The following KLHL1 variants were observed in gnomAD, a reference collection of about 807,000 sequenced individuals.
KLHL1 encodes the protein kelch like family member 1.
KLHL1 carries 47 observed loss-of-function variants against 77.7 expected under a neutral mutation model. The ratio of observed to expected loss-of-function variants is 0.60; its 90% CI spans 0.48 to 0.77. KLHL1 has a LOEUF of 0.77. Among genes scored for constraint, KLHL1 ranks in the 30% least tolerant of loss-of-function variants. The pLI is 0.00. For synonymous variants in KLHL1, 360 were observed against 325.2 expected (o/e 1.11, Z -1.15); for missense variants, 925 against 910.8 (o/e 1.02, Z -0.20).
At chr13:69,953,685 T>TA (rs1883782524) in intron 3 of KLHL1, among the ~76,000 whole-genome samples, 1 of 151,092 alleles carries the variant, frequency 6.6e-6, no homozygotes, top group Admixed American at 6.6e-5. Flanking sequence ...GCTAGTTGTT[T>TA]AAAAAATTCA....
intron 1 of KLHL1, among the ~76,000 whole-genome samples, chr13:70,029,932 A>G (rs1370143216): frequency 2.0e-5 from 3 of 152,206 alleles, no homozygotes; most frequent in Non-Finnish European, 4.4e-5. Context: ...AAAACAAAAA[A>G]AGGCAGGGGT....
At chr13:69,888,874 A>G (rs1881318968) in intron 4 of KLHL1, among the ~76,000 whole-genome samples, 2 of 151,992 alleles carry the variant, frequency 1.3e-5, no homozygotes, top group Non-Finnish European at 2.9e-5. Context: ...CATCACAACT[A>G]TTTCCCATCT....
intron 5 of KLHL1, among the ~76,000 whole-genome samples, chr13:69,855,653 C>T (rs1336086481): frequency 1.3e-5 from 2 of 151,516 alleles, no homozygotes; most frequent in African/African-American, 4.8e-5. Flanking sequence ...TTCCTGCCGC[C>T]TCGTAAAGAA....
At chr13:69,970,736 G>A (rs1001635216) in intron 2 of KLHL1, among the ~76,000 whole-genome samples, 1 of 152,062 alleles carries the variant, frequency 6.6e-6, no homozygotes, top group Non-Finnish European at 1.5e-5. Flanking sequence ...CAGAGCTTCC[G>A]GAGAGATAAA....
At chr13:69,754,902 T>C (rs1006391768) in intron 7 of KLHL1, among the ~76,000 whole-genome samples, 28 of 152,188 alleles carry the variant, frequency 1.8e-4, no homozygotes, top group African/African-American at 6.5e-4. Flanking sequence ...CTTTCAGATC[T>C]GACTCAAATG....
chr13:69,707,680 T>C lies in KLHL1; in HGVS notation c.2132A>G (p.Gln711Arg), dbSNP rs915073495. ...RLYAVGGYDG[Q>R]TYLNTMESYD... is the part of the protein sequence containing the mutation. ...GGATTCCATAGTGTTGAGGTATGTCTGTCCATCATAGCCACCAACAGCATA... is the reference window on the plus strand; with the variant it reads ...GGATTCCATAGTGTTGAGGTATGTCCGTCCATCATAGCCACCAACAGCATA... Residue 711 changes from glutamine (Q) to arginine (R), a missense_variant, in exon 10 of 11, where the codon CAG becomes CGG. Physicochemically the swap from Gln to Arg is conservative, Grantham distance 43. Transcript: ENST00000377844. The C allele has an allele frequency of 6.2e-7, 1 of 1,612,780 alleles. No homozygotes were observed. The highest frequency in any genetic ancestry group is 8.5e-7 in the Non-Finnish European group (1 of 1,179,172).
intron 1 of KLHL1, among the ~76,000 whole-genome samples, chr13:70,003,988 G>C (rs1479279238): frequency 1.3e-5 from 2 of 151,732 alleles, no homozygotes; most frequent in African/African-American, 4.8e-5. Context: ...ATGTATATTT[G>C]TATGAACTCA....
intron 4 of KLHL1, among the ~76,000 whole-genome samples, chr13:69,915,809 C>T (rs1308327971): frequency 6.6e-6 from 1 of 151,860 alleles, no homozygotes; most frequent in African/African-American, 2.4e-5. Flanking sequence ...AAAAGGCAAC[C>T]TACAAAATGG....
intron 2 of KLHL1, 89 bp downstream of exon 2, chr13:69,975,531 G>A: frequency 9.4e-7 from 1 of 1,062,318 alleles, no homozygotes; most frequent in Non-Finnish European, 1.4e-6. Flanking sequence ...CCTTATTTCT[G>A]TAGTCATATA....
intron 4 of KLHL1, among the ~76,000 whole-genome samples, chr13:69,908,292 A>G (rs1210911421): frequency 6.6e-6 from 1 of 151,708 alleles, no homozygotes; most frequent in Non-Finnish European, 1.5e-5. Context: ...AAACAGAAAT[A>G]ATTTCAAAGG....
At chr13:69,842,835 C>T (rs1482452916) in intron 5 of KLHL1, among the ~76,000 whole-genome samples, 1 of 151,660 alleles carries the variant, frequency 6.6e-6, no homozygotes, top group Non-Finnish European at 1.5e-5. Flanking sequence ...TATATATACA[C>T]AATAGAATGC....
chr13:70,107,422 T>C lies in KLHL1; in HGVS notation c.278A>G (p.Asn93Ser). Residue 93 changes from asparagine (N) to serine (S), a missense_variant, in exon 1 of 11, where the codon AAT becomes AGT. By Grantham distance (46) the Asn-to-Ser change is conservative (BLOSUM62 1). Transcript: ENST00000377844. ...SSSSSSFNPL[N>S]GTLLPVATRL... ...CGTGGCAACTGGAAGCAGGGTGCCA[T>C]TCAGCGGATTGAAGGAAGAGGAGGA... 1 of 1,611,906 alleles carries C rather than the reference T, an allele frequency of 6.2e-7. No homozygotes were observed. Among genetic ancestry groups the C allele is most frequent in the Non-Finnish European group, 8.5e-7 (1 of 1,179,956 alleles).
chr13:70,061,183 C>A (rs1232903347), intron 1 of KLHL1, among the ~76,000 whole-genome samples: 1 of 152,074 alleles, frequency 6.6e-6, no homozygotes, highest in Non-Finnish European at 1.5e-5. Context: ...TGTTAGTAAT[C>A]ATCACAGTTT....
At chr13:70,072,709 A>C (rs1459673751) in intron 1 of KLHL1, among the ~76,000 whole-genome samples, 1 of 152,168 alleles carries the variant, frequency 6.6e-6, no homozygotes, top group East Asian at 1.9e-4. Context: ...GATTATATCA[A>C]TAGATGCAGA....
At chr13:69,937,535 A>C (rs965188322) in intron 4 of KLHL1, among the ~76,000 whole-genome samples, 1 of 152,150 alleles carries the variant, frequency 6.6e-6, no homozygotes, top group African/African-American at 2.4e-5. Flanking sequence ...TCATAATATA[A>C]TCTAAGAGAG....
intron 3 of KLHL1, among the ~76,000 whole-genome samples, chr13:69,948,990 T>G (rs1883619234): frequency 6.6e-6 from 1 of 151,956 alleles, no homozygotes; most frequent in Non-Finnish European, 1.5e-5. Flanking sequence ...TTTTAGTAAC[T>G]CATAGGTATT....
chr13:69,904,855 G>C (rs1404683096), intron 4 of KLHL1, among the ~76,000 whole-genome samples: 1 of 152,040 alleles, frequency 6.6e-6, no homozygotes, highest in Admixed American at 6.6e-5. Flanking sequence ...TCCTTTAACT[G>C]CCTTGGAATC....
intron 1 of KLHL1, among the ~76,000 whole-genome samples, chr13:69,992,638 A>G (rs911081825): frequency 9.2e-5 from 14 of 152,042 alleles, no homozygotes; most frequent in Admixed American, 9.2e-4. Context: ...ATACTTCTGG[A>G]TACAGAATGA....
chr13:70,033,993 C>A (rs1258421102), intron 1 of KLHL1, among the ~76,000 whole-genome samples: 2 of 152,100 alleles, frequency 1.3e-5, no homozygotes, highest in African/African-American at 4.8e-5. Flanking sequence ...ACATTCTCTA[C>A]TCAGAAATAT....
Sources: allele counts gnomAD v4.1 joint callset (sites outside exome capture counted in the v4.1 genomes callset), GRCh38; gene constraint gnomAD v4.1.1; transcripts MANE v1.5; gene names NCBI Gene and HGNC (gene_info 2026-07-23, HGNC 2026-07-21).